Variants in SNX31 observed in about 807,000 individuals in gnomAD.
SNX31 encodes the protein sorting nexin-31.
Under a neutral mutation model 65.4 loss-of-function variants are expected in SNX31, and 58 were observed. The ratio of observed to expected loss-of-function variants is 0.89; its 90% CI spans 0.72 to 1.10. The LOEUF (loss-of-function observed/expected upper bound fraction) is 1.10. Ranked by LOEUF, SNX31 falls within the 50% of genes least tolerant of loss-of-function variation. The probability of loss-of-function intolerance (pLI) is 0.00; values close to 1 mark genes in which losing one functional copy is unlikely to be tolerated. For missense variants in SNX31, 523 were observed against 529.7 expected (o/e 0.99, Z 0.12); for synonymous variants, 181 against 190.1 (o/e 0.95, Z 0.39).
chr8:100,608,336 A>C (rs1193089633), intron 8 of SNX31, among the ~76,000 whole-genome samples, 158 bp downstream of exon 8: 1 of 148,222 alleles, frequency 6.7e-6, no homozygotes, highest in Non-Finnish European at 1.5e-5. Flanking sequence ...TCCACCCCCC[A>C]CAGCCCCTGG....
At chr8:100,611,469 C>T (rs1032546173) in intron 7 of SNX31, among the ~76,000 whole-genome samples, 1 of 152,150 alleles carries the variant, frequency 6.6e-6, no homozygotes, top group African/African-American at 2.4e-5. Flanking sequence ...GAGTATTTAC[C>T]TGAGACTACT....
rs1445045189 is a variant in SNX31 at position 100,598,474 on chromosome 8, T to TA, written c.775-1633dup. ...TAATAATCTCTTGGCTGCAATGAGC[T>TA]AAAAGAAAGGAAAGTGTTTGTTTAA... On this transcript the variant is annotated intron_variant, in intron 9 of 13. Transcript: ENST00000311812. 3.3e-5 allele frequency among the ~76,000 whole-genome samples: 5 copies of TA among 149,882 alleles called. No homozygotes were observed. The East Asian group carries it at 7.7e-4, about 23-fold the overall frequency.
At position 100,594,734 on chromosome 8, in the gene SNX31, G is replaced by A. The variant is rs150965984; in HGVS notation, c.978+1905C>T. Among the ~76,000 whole-genome samples, 403 of 152,214 alleles carry A rather than the reference G, an allele frequency of 2.6e-3. 3 individuals carry two copies. Among genetic ancestry groups the A allele is most frequent in the Middle Eastern group, 0.01 (3 of 294 alleles). On this transcript the variant is annotated intron_variant, in intron 10 of 13. Coordinates refer to ENST00000311812, the MANE Select transcript of SNX31 (RefSeq NM_152628.4). The surrounding 1 kb of genome is among the most constrained non-coding windows in gnomAD (Gnocchi z 4.0). ...ATGTAGCCATTCTCAAAAACAATTC[G>A]GCAGTTTCTTTAAAAAGTAAACATG...
chr8:100,641,463 G>A (rs1302188683), intron 2 of SNX31, among the ~76,000 whole-genome samples: 50 of 143,502 alleles, frequency 3.5e-4, no homozygotes, highest in African/African-American at 1.3e-3. Context: ...AACCTGAGCT[G>A]GAGACTTCAA....
At chr8:100,572,875 C>A (rs899119340), downstream of SNX31, 1 of 152,146 alleles carries the variant, frequency 6.6e-6, no homozygotes, top group Admixed American at 6.5e-5. Flanking sequence ...GAATTTTAAT[C>A]AACAAATTTT....
At chr8:100,581,339 A>ATATCTATATC (rs1563510915) in intron 12 of SNX31, among the ~76,000 whole-genome samples, 5 of 123,978 alleles carry the variant, frequency 4.0e-5, no homozygotes, top group African/African-American at 1.5e-4. Flanking sequence ...CTATCTATCT[A>ATATCTATATC]TATATATATA....
intron 3 of SNX31, among the ~76,000 whole-genome samples, chr8:100,634,147 T>C (rs1818590719): frequency 6.6e-6 from 1 of 152,192 alleles, no homozygotes; most frequent in African/African-American, 2.4e-5. Context: ...CTCTTTTCCG[T>C]GACAGCCTAA....
intron 11 of SNX31, among the ~76,000 whole-genome samples, chr8:100,586,011 C>T (rs1338399595): frequency 6.6e-6 from 1 of 152,138 alleles, no homozygotes; most frequent in Non-Finnish European, 1.5e-5. Flanking sequence ...ACCTTCGCCT[C>T]CCAGATTCAT....
intron 8 of SNX31, among the ~76,000 whole-genome samples, chr8:100,606,658 ATC>A (rs1188469677): frequency 6.6e-6 from 1 of 152,040 alleles, no homozygotes; most frequent in Non-Finnish European, 1.5e-5. Context: ...CTTATCCACC[ATC>A]TCTCTCTCTC....
At position 100,615,291 on chromosome 8, in the gene SNX31, T is replaced by C. The variant is rs1817071322; in HGVS notation, c.433-2206A>G. ...CAAGGGAAATGGACAAAACAGATGG[T>C]ACCACAGAACCCTGGAGATACTGCC... On this transcript the variant is annotated intron_variant, in intron 5 of 13. Transcript: ENST00000311812. Among the ~76,000 whole-genome samples the C allele has an allele frequency of 2.6e-5, 4 of 152,182 alleles. No individual in the cohort carries two copies. The South Asian group carries it at 8.3e-4, about 32-fold the overall frequency.
In SNX31 at chr8:100,578,663, A is replaced by C. The variant is rs1324722272; in HGVS notation, c.1171-1588T>G. Among the ~76,000 whole-genome samples the C allele has an allele frequency of 6.6e-6, 1 of 151,856 alleles. No individual in the cohort carries two copies. The highest frequency in any genetic ancestry group is 1.5e-5 in the Non-Finnish European group (1 of 67,946). On this transcript the variant is annotated intron_variant, in intron 12 of 13. Transcript: ENST00000311812. This position sits in a 1 kb window ranked among gnomAD's most constrained non-coding sequence, Gnocchi z 4.7. ...GTATTCTTAATGGAAATGTTCACATATTTAAGCCTATTTCAATGATTTTTT... is the reference window on the plus strand; with the variant it reads ...GTATTCTTAATGGAAATGTTCACATCTTTAAGCCTATTTCAATGATTTTTT...
chr8:100,613,469 T>A lies in SNX31; in HGVS notation c.433-384A>T, dbSNP rs1816895863. 6.6e-6 allele frequency among the ~76,000 whole-genome samples: 1 copy of A among 152,126 alleles called. No individual in the cohort carries two copies. The highest frequency in any genetic ancestry group is 1.9e-4 in the East Asian group (1 of 5,186). On this transcript the variant is annotated intron_variant, in intron 5 of 13. Transcript: ENST00000311812. The surrounding 1 kb of genome is among the most constrained non-coding windows in gnomAD (Gnocchi z 5.2). The stretch of plus-strand genomic sequence containing the variant: ...ATGTCTGTCCCTGGAACCTGCACAC[T>A]AGTTTACCTTCCTGTGGGCTGCATT...
In SNX31 at chr8:100,642,038, C is replaced by G. The variant is rs566913226; in HGVS notation, c.142-6027G>C. ...AGCTTGCAGTGAGCCGAGATCGCGC[C>G]ACTGCACTCCAGCCTGGGCGACAGA... is the stretch of plus-strand genomic sequence containing the variant. On this transcript the variant is annotated intron_variant, in intron 2 of 13. Transcript: ENST00000311812. Among the ~76,000 whole-genome samples, 452 of 152,096 alleles carry G rather than the reference C, an allele frequency of 3.0e-3. 1 individual carries two copies. Among genetic ancestry groups the G allele is most frequent in the African/African-American group, 8.7e-3 (359 of 41,484 alleles).
At chr8:100,595,790 T>G (rs1815025468) in intron 10 of SNX31, among the ~76,000 whole-genome samples, 1 of 152,108 alleles carries the variant, frequency 6.6e-6, no homozygotes, top group Admixed American at 6.5e-5. Context: ...GTTGAAGGCA[T>G]CCAGAGGTAG....
At chr8:100,640,180 T>G (rs1192515142) in intron 2 of SNX31, among the ~76,000 whole-genome samples, 4 of 152,176 alleles carry the variant, frequency 2.6e-5, no homozygotes, top group Non-Finnish European at 5.9e-5. Context: ...CAGGCTGGAG[T>G]GCAATGGTGC....
intron 12 of SNX31, chr8:100,582,511 C>A (rs959150842): frequency 3.9e-5 from 6 of 152,116 alleles, no homozygotes; most frequent in African/African-American, 1.2e-4. Flanking sequence ...GTTCAGTCAC[C>A]AAGAGGCAGT....
upstream of SNX31, among the ~76,000 whole-genome samples, chr8:100,651,324 A>G (rs1227404268): frequency 6.6e-6 from 1 of 152,198 alleles, no homozygotes; most frequent in Non-Finnish European, 1.5e-5. Context: ...CTTGGGACAA[A>G]GCCTGATCAC....
At chr8:100,611,408 G>A (rs1404837443) in intron 7 of SNX31, among the ~76,000 whole-genome samples, 1 of 152,114 alleles carries the variant, frequency 6.6e-6, no homozygotes, top group Non-Finnish European at 1.5e-5. Flanking sequence ...CCTATCAGTA[G>A]AGATGCAGAA....
intron 2 of SNX31, among the ~76,000 whole-genome samples, chr8:100,640,149 CAG>C (rs1819061974): frequency 2.8e-5 from 4 of 144,866 alleles, no homozygotes; most frequent in Middle Eastern, 7.0e-3. Flanking sequence ...TTTTTGGAGA[CAG>C]AGTCTTGCTC....
Sources: allele counts gnomAD v4.1 joint callset (sites outside exome capture counted in the v4.1 genomes callset), GRCh38; gene constraint gnomAD v4.1.1; non-coding constraint Gnocchi (gnomAD v3.1); transcripts MANE v1.5; gene names NCBI Gene and HGNC (gene_info 2026-07-23, HGNC 2026-07-21).